The following PTPRN2 variants were observed in gnomAD, a reference collection of about 807,000 sequenced individuals.
PTPRN2 encodes receptor-type tyrosine-protein phosphatase N2.
PTPRN2 carries 74 observed loss-of-function variants against 118.8 expected under a neutral mutation model. The observed-to-expected ratio is 0.62, with a 90% CI of 0.52 to 0.76. PTPRN2 has a LOEUF of 0.76. Ranked by LOEUF, PTPRN2 falls within the 30% of genes least tolerant of loss-of-function variation. The probability of loss-of-function intolerance (pLI) is 0.00; values close to 1 mark genes in which losing one functional copy is unlikely to be tolerated. For synonymous variants in PTPRN2, 641 were observed against 608.0 expected (o/e 1.05, Z -0.80); for missense variants, 1,481 against 1,394.4 (o/e 1.06, Z -0.99).
chr7:158,341,682 G>A (rs1237603743), intron 2 of PTPRN2, among the ~76,000 whole-genome samples: 56 of 70,204 alleles, frequency 8.0e-4, no homozygotes, highest in African/African-American at 1.3e-3. Flanking sequence ...AAGAGCTGTC[G>A]CCCGCAGAGG....
intron 12 of PTPRN2, among the ~76,000 whole-genome samples, chr7:157,701,597 C>T (rs923443854): frequency 3.3e-5 from 5 of 152,214 alleles, no homozygotes; most frequent in African/African-American, 4.8e-5. Context: ...TGTCACTCAG[C>T]GCTGCCCCCA....
intron 2 of PTPRN2, among the ~76,000 whole-genome samples, chr7:158,452,271 C>A (rs990578703): frequency 6.6e-6 from 1 of 152,074 alleles, no homozygotes; most frequent in Non-Finnish European, 1.5e-5. Flanking sequence ...AAAGCTAGTT[C>A]GTTTAATTTC....
chr7:157,947,961 A>G (rs916554558), intron 11 of PTPRN2, among the ~76,000 whole-genome samples: 2 of 152,234 alleles, frequency 1.3e-5, no homozygotes, highest in South Asian at 2.1e-4. Context: ...AGGCAAAACT[A>G]TCCTTTGAAA....
Position 157,790,082 on chromosome 7 carries a change from GGT to G in PTPRN2, c.1789-107147_1789-107146del, listed in dbSNP as rs150902025. Among the ~76,000 whole-genome samples the G allele has an allele frequency of 3.0e-3, 375 of 125,904 alleles. 3 individuals are homozygous for G. The highest frequency in any genetic ancestry group is 0.011 in the African/African-American group (347 of 32,476). 82.6% of individuals were successfully genotyped at this position (125,904 alleles called of 152,430 possible). On this transcript the variant is annotated intron_variant, in intron 12 of 22. Transcript: ENST00000389418. ...GTGTGAATGTGTGGTGTGTGTGTGT[GGT>G]GTGTGTGGTGGTGACATGTGTGTAT...
intron 6 of PTPRN2, among the ~76,000 whole-genome samples, chr7:158,157,382 G>A (rs897467545): frequency 5.3e-5 from 8 of 152,242 alleles, no homozygotes; most frequent in African/African-American, 1.9e-4. Context: ...CATGGACCTG[G>A]CAGGAAAGCA....
intron 12 of PTPRN2, among the ~76,000 whole-genome samples, chr7:157,692,773 G>A (rs1797571894): frequency 6.6e-6 from 1 of 152,132 alleles, no homozygotes; most frequent in African/African-American, 2.4e-5. Context: ...TCCAGTAGGC[G>A]GGGACGGGGT....
chr7:158,270,836 CCCCCTCACCTGGACCG>C (rs1798351586), intron 3 of PTPRN2, among the ~76,000 whole-genome samples: 1 of 40,338 alleles, frequency 2.5e-5, no homozygotes, highest in Non-Finnish European at 4.5e-5. Context: ...ACCTGGATGA[CCCCCTCACCTGGACCG>C]CCCCCCCACC....
At chr7:157,709,652 C>G (rs1025020413) in intron 12 of PTPRN2, among the ~76,000 whole-genome samples, 1 of 152,242 alleles carries the variant, frequency 6.6e-6, no homozygotes, top group African/African-American at 2.4e-5. Context: ...GGTCCTGCTA[C>G]ATGGGAAGGA....
Position 157,779,052 on chromosome 7 carries a change from G to T in PTPRN2, c.1789-96115C>A, listed in dbSNP as rs1160359487. Among the ~76,000 whole-genome samples, 2 of 152,236 alleles carry T rather than the reference G, an allele frequency of 1.3e-5. No homozygotes were observed. The highest frequency in any genetic ancestry group is 2.9e-5 in the Non-Finnish European group (2 of 68,040). ...AGGTGGCCGTGTTCTCTGAGGGGTT[G>T]TGCCGGGGTCTTCAGACAGTGCCCT... On this transcript the variant is annotated intron_variant, in intron 12 of 22. Coordinates refer to ENST00000389418, the MANE Select transcript of PTPRN2 (RefSeq NM_002847.5). The surrounding 1 kb of genome is among the most constrained non-coding windows in gnomAD (Gnocchi z 4.7).
intron 10 of PTPRN2, among the ~76,000 whole-genome samples, chr7:158,087,824 A>G (rs1317607353): frequency 2.0e-5 from 2 of 100,538 alleles, no homozygotes; most frequent in African/African-American, 3.1e-5. Flanking sequence ...CTGATGAAAG[A>G]GGGAGTCTTC....
At chr7:158,421,561 C>T (rs571305653) in intron 2 of PTPRN2, among the ~76,000 whole-genome samples, 2 of 152,320 alleles carry the variant, frequency 1.3e-5, no homozygotes, top group African/African-American at 4.8e-5. Flanking sequence ...CAGCAGATGG[C>T]TTGGATTAAA....
chr7:157,876,914 C>T (rs751568406), intron 12 of PTPRN2, among the ~76,000 whole-genome samples: 1 of 152,224 alleles, frequency 6.6e-6, no homozygotes, highest in Non-Finnish European at 1.5e-5. Context: ...AGGAGGACGA[C>T]GTTCTGAAAT....
intron 1 of PTPRN2, among the ~76,000 whole-genome samples, chr7:158,561,198 G>A (rs1324806993): frequency 6.6e-6 from 1 of 152,236 alleles, no homozygotes; most frequent in African/African-American, 2.4e-5. Context: ...GTTCCTTGAA[G>A]TCAGAATTTC....
At chr7:158,538,441 C>T (rs1243475799) in intron 1 of PTPRN2, among the ~76,000 whole-genome samples, 2 of 152,228 alleles carry the variant, frequency 1.3e-5, no homozygotes, top group Non-Finnish European at 2.9e-5. Context: ...GCTTCTGTCC[C>T]TGTTACCACC....
intron 15 of PTPRN2, among the ~76,000 whole-genome samples, chr7:157,608,433 T>G (rs779216228): frequency 2.0e-5 from 3 of 152,154 alleles, no homozygotes; most frequent in African/African-American, 7.2e-5. Context: ...GGAGCCATCC[T>G]GGGAGGGCCA....
At chr7:158,407,690 G>GGTCCTGC (rs1361688556) in intron 2 of PTPRN2, among the ~76,000 whole-genome samples, 36 of 99,384 alleles carry the variant, frequency 3.6e-4, no homozygotes, top group African/African-American at 1.2e-3. Flanking sequence ...CTGGGTCCTG[G>GGTCCTGC]GTCCTGCGTC....
At position 158,187,248 on chromosome 7, in the gene PTPRN2, C is replaced by T. The variant is rs953039802; in HGVS notation, c.549+5079G>A. Among the ~76,000 whole-genome samples the T allele has an allele frequency of 3.3e-5, 5 of 152,188 alleles. No homozygotes were observed. The East Asian group carries it at 7.7e-4, about 23-fold the overall frequency. On this transcript the variant is annotated intron_variant, in intron 5 of 22. Transcript: ENST00000389418. ...ATAAAATAATTCTGTTATGACGTCA[C>T]CAGCATGAAGGCCCTGAAAGGCAAT...
chr7:158,010,084 G>A (rs545771653), intron 11 of PTPRN2, among the ~76,000 whole-genome samples: 3 of 152,280 alleles, frequency 2.0e-5, no homozygotes, highest in Admixed American at 6.5e-5. Flanking sequence ...TCTTGTCCCT[G>A]TCCTTGTGGA....
intron 12 of PTPRN2, among the ~76,000 whole-genome samples, chr7:157,839,873 GGAGT>G (rs1473825862): frequency 6.6e-6 from 1 of 151,140 alleles, no homozygotes; most frequent in Non-Finnish European, 1.5e-5. Flanking sequence ...GTGACCGTGT[GGAGT>G]GTGTGTGACT....
Sources: gnomAD v4.1 joint callset for allele counts (sites outside exome capture counted in the v4.1 genomes callset) on GRCh38, gnomAD v4.1.1 for gene constraint, Gnocchi (gnomAD v3.1) non-coding constraint, MANE v1.5 for transcripts, NCBI Gene and HGNC (gene_info 2026-07-23, HGNC 2026-07-21) for gene names.